Variants in ARHGAP24 observed in about 807,000 individuals in gnomAD.
The protein encoded by ARHGAP24 is Rho GTPase activating protein 24, also known as rho GTPase-activating protein 24.
In ARHGAP24, 50 loss-of-function variants were observed where a neutral mutation model predicts 76.4. That is an observed-to-expected ratio of 0.65 (90% CI 0.52 to 0.83). ARHGAP24 has a LOEUF of 0.83. Among genes scored for constraint, ARHGAP24 ranks in the 40% least tolerant of loss-of-function variants. The pLI is 0.00. For synonymous variants in ARHGAP24, 345 were observed against 323.3 expected (o/e 1.07, Z -0.72); for missense variants, 930 against 914.2 (o/e 1.02, Z -0.22).
At chr4:85,689,533 C>A (rs898355564) in intron 2 of ARHGAP24, among the ~76,000 whole-genome samples, 2 of 152,040 alleles carry the variant, frequency 1.3e-5, no homozygotes, top group African/African-American at 4.8e-5. Context: ...AATATAGGCG[C>A]ACACCACCAC....
intron 2 of ARHGAP24, among the ~76,000 whole-genome samples, chr4:85,675,353 A>G (rs968398356): frequency 6.6e-6 from 1 of 152,194 alleles, no homozygotes; most frequent in East Asian, 1.9e-4. Context: ...AATGTTTTCT[A>G]TAGGAAAGTA....
At chr4:85,803,571 G>A (rs184614053) in intron 3 of ARHGAP24, among the ~76,000 whole-genome samples, 3 of 152,086 alleles carry the variant, frequency 2.0e-5, no homozygotes, top group African/African-American at 4.8e-5. Context: ...ATGTTTTATG[G>A]GCCTGAAGCT....
At chr4:85,546,765 C>A (rs1725934621) in intron 1 of ARHGAP24, among the ~76,000 whole-genome samples, 1 of 152,100 alleles carries the variant, frequency 6.6e-6, no homozygotes, top group Non-Finnish European at 1.5e-5. Flanking sequence ...TTGCACTAAG[C>A]CATGTGTGTT....
chr4:85,716,762 G>A (rs906867739), intron 2 of ARHGAP24, among the ~76,000 whole-genome samples: 1 of 152,098 alleles, frequency 6.6e-6, no homozygotes, highest in Non-Finnish European at 1.5e-5. Context: ...CCAGTGGATA[G>A]GTAAAACACC....
intron 3 of ARHGAP24, among the ~76,000 whole-genome samples, chr4:85,868,322 C>A (rs2110187270): frequency 6.6e-6 from 1 of 152,172 alleles, no homozygotes; most frequent in South Asian, 2.1e-4. Flanking sequence ...AGGTGGCCCC[C>A]CTAAGAGGCA....
intron 2 of ARHGAP24, among the ~76,000 whole-genome samples, chr4:85,599,187 C>T (rs575360670): frequency 1.1e-4 from 17 of 152,108 alleles, no homozygotes; most frequent in Admixed American, 3.3e-4. Flanking sequence ...AGTTGATTAG[C>T]AGCTTGCTGT....
At chr4:85,751,418 G>A (rs920566230) in intron 3 of ARHGAP24, among the ~76,000 whole-genome samples, 2 of 152,162 alleles carry the variant, frequency 1.3e-5, no homozygotes, top group Non-Finnish European at 2.9e-5. Context: ...TTATGAGTGT[G>A]TGTATTAAAT....
intron 2 of ARHGAP24, among the ~76,000 whole-genome samples, chr4:85,576,995 G>T (rs1162763748): frequency 6.6e-6 from 1 of 151,766 alleles, no homozygotes; most frequent in Non-Finnish European, 1.5e-5. Flanking sequence ...GGTATTAAAT[G>T]AGATACTTTA....
At chr4:85,789,502 C>T (rs1323388048) in intron 3 of ARHGAP24, among the ~76,000 whole-genome samples, 2 of 151,844 alleles carry the variant, frequency 1.3e-5, no homozygotes, top group Non-Finnish European at 2.9e-5. Context: ...GGAACAGAGA[C>T]ACCAAAAAAG....
chr4:85,502,658 T>A (rs1723868381), intron 1 of ARHGAP24, among the ~76,000 whole-genome samples: 1 of 152,192 alleles, frequency 6.6e-6, no homozygotes, highest in Non-Finnish European at 1.5e-5. Flanking sequence ...AATCATGTCA[T>A]CTCCATACAG....
chr4:85,815,336 T>C (rs1729191756), intron 3 of ARHGAP24, among the ~76,000 whole-genome samples: 1 of 152,204 alleles, frequency 6.6e-6, no homozygotes, highest in African/African-American at 2.4e-5. Flanking sequence ...ATTGTCAGGC[T>C]GCAAATCTTC....
intron 1 of ARHGAP24, among the ~76,000 whole-genome samples, chr4:85,545,300 A>G (rs762720158): frequency 6.6e-6 from 1 of 151,958 alleles, no homozygotes; most frequent in African/African-American, 2.4e-5. Context: ...GGGTTTCGCC[A>G]AGTTGGCCAG....
rs151262740 is a variant in ARHGAP24, at chr4:85,626,810, C to G, written c.180+56089C>G. Among the ~76,000 whole-genome samples, 1,284 of 152,264 alleles carry G rather than the reference C, an allele frequency of 8.4e-3. 21 individuals are homozygous for G. The highest frequency in any genetic ancestry group is 0.029 in the African/African-American group (1,224 of 41,546). ...TTTTTTCTCTAAACTTCTCTTCTCA[C>G]TTCATTTCATTCTTTTTGTCTTCCA... On this transcript the variant is annotated intron_variant, in intron 2 of 9. Coordinates refer to ENST00000395184, the MANE Select transcript of ARHGAP24 (RefSeq NM_001025616.3).
intron 3 of ARHGAP24, among the ~76,000 whole-genome samples, chr4:85,825,485 G>A (rs1729670299): frequency 6.6e-6 from 1 of 152,150 alleles, no homozygotes; most frequent in African/African-American, 2.4e-5. Context: ...AGATTGCCTT[G>A]CTTCCTTAAG....
At chr4:85,511,952 C>T (rs1282912960) in intron 1 of ARHGAP24, among the ~76,000 whole-genome samples, 1 of 152,212 alleles carries the variant, frequency 6.6e-6, no homozygotes, top group Non-Finnish European at 1.5e-5. Flanking sequence ...ATGGTGCTCT[C>T]CCTGTGGGTC....
At position 85,995,112 on chromosome 4, in the gene ARHGAP24, T is replaced by G; in HGVS notation, c.1458T>G (p.Ile486Met). 6.2e-7 allele frequency: 1 copy of G among 1,613,902 alleles called. No homozygotes were observed. The highest frequency in any genetic ancestry group is 8.5e-7 in the Non-Finnish European group (1 of 1,179,992). Residue 486 changes from isoleucine to methionine, a missense_variant, in exon 9 of 10, where the codon ATT (isoleucine) becomes ATG (methionine). Transcript: ENST00000395184. ...SVQNGTVRMG[I>M]LNSDTLGNPT... is the part of the protein sequence containing the mutation. ...AGAATGGAACGGTGCGCATGGGCATTTTGAACAGCGACACACTCGGGAACC... is the reference window on the plus strand; with the variant it reads ...AGAATGGAACGGTGCGCATGGGCATGTTGAACAGCGACACACTCGGGAACC...
intron 3 of ARHGAP24, among the ~76,000 whole-genome samples, chr4:85,849,584 T>C (rs1404592484): frequency 6.6e-6 from 1 of 152,202 alleles, no homozygotes; most frequent in Non-Finnish European, 1.5e-5. Context: ...GGCTGTGAGT[T>C]TGTCATAAAT....
chr4:85,725,879 C>A (rs1289127384), intron 3 of ARHGAP24, among the ~76,000 whole-genome samples: 2 of 152,260 alleles, frequency 1.3e-5, no homozygotes, highest in East Asian at 3.9e-4. Context: ...CAGGGGTTAT[C>A]AGCTTCAGTG....
intron 3 of ARHGAP24, among the ~76,000 whole-genome samples, chr4:85,916,621 T>C (rs1735417133): frequency 6.6e-6 from 1 of 152,172 alleles, no homozygotes; most frequent in Non-Finnish European, 1.5e-5. Flanking sequence ...TAGTCTGTAA[T>C]AAAATGGATA....
Sources: gnomAD v4.1 joint callset for allele counts (sites outside exome capture counted in the v4.1 genomes callset) on GRCh38, gnomAD v4.1.1 for gene constraint, MANE v1.5 for transcripts, NCBI Gene and HGNC (gene_info 2026-07-23, HGNC 2026-07-21) for gene names.